PRKD1: variants seen among roughly 807,000 people sequenced by gnomAD.
PRKD1 encodes the protein protein kinase D1.
In PRKD1, 63 loss-of-function variants were observed where a neutral mutation model predicts 95.9. The ratio of observed to expected loss-of-function variants is 0.66; its 90% CI spans 0.54 to 0.81. The LOEUF is 0.81. PRKD1 is among the 30% of genes least tolerant of loss of function. The pLI is 0.00. For synonymous variants in PRKD1, 425 were observed against 423.1 expected (o/e 1.00, Z -0.05); for missense variants, 1,048 against 1,165.3 (o/e 0.90, Z 1.47).
intron 1 of PRKD1, among the ~76,000 whole-genome samples, chr14:29,887,254 C>T (rs778697777): frequency 3.3e-5 from 5 of 152,146 alleles, no homozygotes; most frequent in East Asian, 3.9e-4. Context: ...ACATCCCTGC[C>T]GCTACTGCTC....
At chr14:29,604,474 G>C (rs772460689) in intron 13 of PRKD1, among the ~76,000 whole-genome samples, 1 of 152,086 alleles carries the variant, frequency 6.6e-6, no homozygotes, top group Non-Finnish European at 1.5e-5. Flanking sequence ...AAATATAAAA[G>C]TGATGAGCCT....
At chr14:29,768,194 T>C (rs1888339286) in intron 1 of PRKD1, among the ~76,000 whole-genome samples, 1 of 152,168 alleles carries the variant, frequency 6.6e-6, no homozygotes, top group East Asian at 1.9e-4. Flanking sequence ...ACTAAGCTAA[T>C]CATTTCAAGC....
At position 29,925,510 on chromosome 14, in the gene PRKD1, G is replaced by A. The variant is rs148828463; in HGVS notation, c.264+1739C>T. Among the ~76,000 whole-genome samples the A allele has an allele frequency of 2.0e-5, 3 of 151,922 alleles. No individual in the cohort carries two copies. In the East Asian group the frequency reaches 5.8e-4, roughly 29 times the overall value. ...TTGCTGTCCCTCTCCCTCTGCTCTC[G>A]TCTCACTCTCTCCATGTAACACGCC... On this transcript the variant is annotated intron_variant, in intron 1 of 17. Coordinates refer to ENST00000331968, the MANE Select transcript of PRKD1 (RefSeq NM_002742.3).
chr14:29,634,559 T>C lies in PRKD1; in HGVS notation c.1191-18A>G. 3.7e-6 allele frequency: 6 copies of C among 1,613,494 alleles called. No individual in the cohort carries two copies. Among genetic ancestry groups the C allele is most frequent in the Non-Finnish European group, 5.1e-6 (6 of 1,179,650 alleles). ...TTGATGGACTTGAGAAGTCAAAATA[T>C]TGTAGGGAAAAAATGTTTTCAGGTA... On this transcript the variant is annotated intron_variant, in intron 7 of 17. Coordinates refer to ENST00000331968, the MANE Select transcript of PRKD1 (RefSeq NM_002742.3).
intron 1 of PRKD1, among the ~76,000 whole-genome samples, chr14:29,832,930 T>A (rs45583134): frequency 0.01 from 1,577 of 152,222 alleles, 31 homozygotes; most frequent in African/African-American, 0.036. Context: ...ACTTTGTATA[T>A]GCAGCCTTCT....
intron 1 of PRKD1, among the ~76,000 whole-genome samples, chr14:29,752,933 C>T (rs1887544749): frequency 6.6e-6 from 1 of 151,982 alleles, no homozygotes; most frequent in Non-Finnish European, 1.5e-5. Context: ...ACTTTCCTCC[C>T]AAAGTCATAT....
chr14:29,774,628 G>C (rs1452291380), intron 1 of PRKD1, among the ~76,000 whole-genome samples: 2 of 152,204 alleles, frequency 1.3e-5, no homozygotes, highest in East Asian at 3.9e-4. Flanking sequence ...TGGGACACAA[G>C]TAGTTGACAT....
At position 29,577,399 on chromosome 14, in the gene PRKD1, T is replaced by C; in HGVS notation, c.2578A>G (p.Ile860Val). 6.2e-7 allele frequency: 1 copy of C among 1,613,872 alleles called. No homozygotes were observed. The highest frequency in any genetic ancestry group is 8.5e-7 in the Non-Finnish European group (1 of 1,179,826). ...CTCAGGTCATCACTTTCATGGGTGA[T>C]GTAGCGCTCCCCGATTTTGCATTCC... is the stretch of plus-strand genomic sequence containing the variant. ...ELECKIGERY[I>V]THESDDLRWE... The change falls in exon 18 of 18, where the codon ATC becomes GTC. Residue 860 changes from isoleucine to valine, a missense_variant. This residue lies in a region of PRKD1 where 739 missense variants were observed against 861.9 expected (regional missense o/e 0.86). Coordinates refer to ENST00000331968, the MANE Select transcript of PRKD1 (RefSeq NM_002742.3).
intron 12 of PRKD1, among the ~76,000 whole-genome samples, chr14:29,626,033 T>TA (rs1347755954): frequency 6.6e-5 from 10 of 151,300 alleles, no homozygotes; most frequent in Non-Finnish European, 1.3e-4. Flanking sequence ...CCTCAAAAAT[T>TA]AAAAAAAAAT....
At chr14:29,851,087 A>G (rs1297524330) in intron 1 of PRKD1, among the ~76,000 whole-genome samples, 2 of 151,966 alleles carry the variant, frequency 1.3e-5, no homozygotes, top group Non-Finnish European at 2.9e-5. Context: ...AAGATTGATT[A>G]AAGACTTAAA....
chr14:29,708,994 A>G (rs1287260091), intron 2 of PRKD1, among the ~76,000 whole-genome samples: 1 of 152,176 alleles, frequency 6.6e-6, no homozygotes, highest in Admixed American at 6.5e-5. Flanking sequence ...TATAGCATTA[A>G]TGTGCCAAGT....
chr14:29,646,321 T>C (rs2139161122), intron 4 of PRKD1, among the ~76,000 whole-genome samples: 1 of 152,242 alleles, frequency 6.6e-6, no homozygotes, highest in East Asian at 1.9e-4. Flanking sequence ...GTATTTGCTA[T>C]CACAACAGGG....
chr14:29,833,951 CA>C (rs1891513397), intron 1 of PRKD1, among the ~76,000 whole-genome samples: 1 of 152,018 alleles, frequency 6.6e-6, no homozygotes, highest in African/African-American at 2.4e-5. Context: ...CCTCTCAAGG[CA>C]AAATACAGAG....
chr14:29,700,643 C>G (rs1385395513), intron 2 of PRKD1, among the ~76,000 whole-genome samples: 4 of 152,084 alleles, frequency 2.6e-5, no homozygotes, highest in African/African-American at 7.2e-5. Flanking sequence ...GATATCTGGT[C>G]AAACATTATT....
At chr14:29,848,017 A>G (rs565566382) in intron 1 of PRKD1, among the ~76,000 whole-genome samples, 18 of 152,246 alleles carry the variant, frequency 1.2e-4, no homozygotes, top group Admixed American at 1.1e-3. Context: ...TCTGATGTCT[A>G]TTGAAGGCTT....
intron 4 of PRKD1, among the ~76,000 whole-genome samples, chr14:29,655,947 G>GA (rs202016660): frequency 9.5e-5 from 14 of 147,358 alleles, no homozygotes; most frequent in East Asian, 4.4e-4. Flanking sequence ...ATTAAAAAAA[G>GA]AAAAAAAAAG....
chr14:29,665,144 C>G (rs17385499), intron 3 of PRKD1, among the ~76,000 whole-genome samples: 1,858 of 152,266 alleles, frequency 0.012, 21 homozygotes, highest in Middle Eastern at 0.02. Context: ...CCCTAAATGC[C>G]TGGAAGATAC....
At chr14:29,614,931 T>C (rs896736589) in intron 13 of PRKD1, among the ~76,000 whole-genome samples, 2 of 147,238 alleles carry the variant, frequency 1.4e-5, no homozygotes, top group East Asian at 4.0e-4. Flanking sequence ...AGGCTGGTCT[T>C]GAACTACTGA....
chr14:29,832,755 C>A (rs973717631), intron 1 of PRKD1, among the ~76,000 whole-genome samples: 2 of 152,150 alleles, frequency 1.3e-5, no homozygotes, highest in Admixed American at 6.5e-5. Flanking sequence ...ACTATCCTTT[C>A]ATTTTCTATC....
Sources: gnomAD v4.1 joint callset for allele counts (sites outside exome capture counted in the v4.1 genomes callset) on GRCh38, gnomAD v4.1.1 for gene constraint, gnomAD v4.1.1 regional missense constraint, MANE v1.5 for transcripts, NCBI Gene and HGNC (gene_info 2026-07-23, HGNC 2026-07-21) for gene names.